PSMB2: variants seen among roughly 807,000 people sequenced by gnomAD.
The protein encoded by PSMB2 is proteasome 20S subunit beta 2, also known as proteasome subunit beta type-2.
In PSMB2, 13 loss-of-function variants were observed where a neutral mutation model predicts 25.7. That is an observed-to-expected ratio of 0.51 (90% CI 0.33 to 0.80). The LOEUF is 0.80. Among genes scored for constraint, PSMB2 ranks in the 30% least tolerant of loss-of-function variants. The pLI, the probability that PSMB2 is intolerant of heterozygous loss-of-function variation, is 0.02. For synonymous variants in PSMB2, 87 were observed against 96.2 expected, an observed-to-expected ratio of 0.90 and a Z score of 0.56; for missense variants, 202 against 259.0, an observed-to-expected ratio of 0.78 and a Z score of 1.51.
Position 35,641,329 on chromosome 1 carries a change from T to G in PSMB2, c.91+13A>C, listed in dbSNP as rs755834832. On this transcript the variant is annotated intron_variant, in intron 1 of 5. Transcript: ENST00000373237. ...ACCCCAGGCCTGGCCGGGCCTCCCC[T>G]GCTTCCTCTCACCGTCCTTCATCTG... is the stretch of plus-strand genomic sequence containing the variant. The G allele has an allele frequency of 6.2e-7, 1 of 1,613,970 alleles. No individual in the cohort carries two copies. The highest frequency in any genetic ancestry group is 8.5e-7 in the Non-Finnish European group (1 of 1,179,996).
At chr1:35,632,106 AT>A (rs572116568) in intron 2 of PSMB2, among the ~76,000 whole-genome samples, 190 of 152,374 alleles carry the variant, frequency 1.2e-3, no homozygotes, top group African/African-American at 4.3e-3. Context: ...TATTAAAAAA[AT>A]ATTTTAAATG....
chr1:35,603,099 G>C lies in PSMB2; in HGVS notation c.*168C>G, dbSNP rs1650052939. 13 of 1,403,036 alleles carry C rather than the reference G, an allele frequency of 9.3e-6. No individual in the cohort carries two copies. The highest frequency in any genetic ancestry group is 1.2e-5 in the Non-Finnish European group (13 of 1,079,710). The allele number at this position is 1,403,036 out of a possible 1,614,324, so 86.9% of individuals were successfully genotyped here. ...ATCATCTTCCCTCCATATCCTTTCT[G>C]AGGTAATATTAGGTAAACTGAGACC... On this transcript the variant is annotated 3_prime_UTR_variant, in exon 6 of 6. Coordinates refer to ENST00000373237, the MANE Select transcript of PSMB2 (RefSeq NM_002794.5).
At position 35,609,121 on chromosome 1, in the gene PSMB2, G is replaced by A. The variant is rs575288155; in HGVS notation, c.448+125C>T. Reference sequence around the variant, plus strand: ...GAGTGCAGCTTCCAGAGGGGAACCTGGTTATGCTTCTTAGGATCCATCCTA... The same window carrying A: ...GAGTGCAGCTTCCAGAGGGGAACCTAGTTATGCTTCTTAGGATCCATCCTA... On this transcript the variant is annotated intron_variant, in intron 4 of 5. Transcript: ENST00000373237. 42 of 939,998 alleles carry A rather than the reference G, an allele frequency of 4.5e-5. No homozygotes were observed. The African/African-American group carries it at 7.1e-4, about 16-fold the overall frequency. The allele number at this position is 939,998 out of a possible 1,614,324, so 58.2% of individuals were successfully genotyped here.
Position 35,609,372 on chromosome 1 carries a change from C to G in PSMB2, c.322G>C (p.Asp108His), listed in dbSNP as rs778630840. 8 of 1,596,730 alleles carry G rather than the reference C, an allele frequency of 5.0e-6. No individual in the cohort carries two copies. In the Admixed American group the frequency reaches 1.4e-4, roughly 27 times the overall value. The change falls in exon 4 of 6, where the codon GAT becomes CAT. Residue 108 changes from aspartate (D) to histidine (H), a missense_variant. Transcript: ENST00000373237. ...TACAGCGCTGGCCCTTCATGCTCATCATAGCCAGCCAGGAGGAGGTTCACA... is the reference window on the plus strand; with the variant it reads ...TACAGCGCTGGCCCTTCATGCTCATGATAGCCAGCCAGGAGGAGGTTCACA... ...YHVNLLLAGYDEHEGPALYYM... is the reference protein window; with the variant it reads ...YHVNLLLAGYHEHEGPALYYM...
intron 4 of PSMB2, among the ~76,000 whole-genome samples, chr1:35,606,239 A>G (rs891916796): frequency 3.3e-5 from 5 of 152,174 alleles, no homozygotes; most frequent in Admixed American, 3.3e-4. Context: ...GAGTACCCCA[A>G]TTGGAAAGCA....
At chr1:35,624,025 G>C (rs1328736029) in intron 3 of PSMB2, among the ~76,000 whole-genome samples, 1 of 152,144 alleles carries the variant, frequency 6.6e-6, no homozygotes, top group Non-Finnish European at 1.5e-5. Flanking sequence ...GTTTCTTCTA[G>C]GACAGGAGCA....
chr1:35,620,063 G>A (rs1650635415), intron 3 of PSMB2, among the ~76,000 whole-genome samples: 2 of 152,084 alleles, frequency 1.3e-5, no homozygotes, highest in Admixed American at 6.5e-5. Flanking sequence ...TTTGCTACAC[G>A]CTTGCACACT....
intron 3 of PSMB2, among the ~76,000 whole-genome samples, chr1:35,610,657 G>A (rs544440489): frequency 2.0e-5 from 3 of 152,080 alleles, no homozygotes; most frequent in South Asian, 2.1e-4. Flanking sequence ...CACCACACCC[G>A]GCTAATTTTC....
At position 35,603,024 on chromosome 1, in the gene PSMB2, G is replaced by A. The variant is rs1471161294; in HGVS notation, c.*243C>T. 2.4e-6 allele frequency: 3 copies of A among 1,254,632 alleles called. No homozygotes were observed. The highest frequency in any genetic ancestry group is 1.5e-5 in the African/African-American group (1 of 65,554). The allele number at this position is 1,254,632 out of a possible 1,614,324, so 77.7% of individuals were successfully genotyped here. On this transcript the variant is annotated 3_prime_UTR_variant, in exon 6 of 6. Transcript: ENST00000373237. ...GGGCCGTCAGCTGCTAAAGGGTACT[G>A]AGCGTTAATGGAGGGCGGAGCAGGA...
rs1276709018 is a variant in PSMB2, at chr1:35,609,321, C to T, written c.373G>A (p.Ala125Thr). Residue 125 changes from alanine to threonine, a missense_variant, in exon 4 of 6, where the codon GCC becomes ACC. Coordinates refer to ENST00000373237, the MANE Select transcript of PSMB2 (RefSeq NM_002794.5). ...CCGTGGGCTGCAAAAGGGGCCTTGG[C>T]CAAGGCTGCCAGGTAGTCCATGTAA... The part of the protein sequence containing the change: ...LYYMDYLAAL[A>T]KAPFAAHGYG... 1 of 1,613,328 alleles carries T rather than the reference C, an allele frequency of 6.2e-7. No homozygotes were observed. Among genetic ancestry groups the T allele is most frequent in the Non-Finnish European group, 8.5e-7 (1 of 1,179,656 alleles).
chr1:35,600,337 G>T lies in PSMB2; in HGVS notation c.*2930C>A, dbSNP rs1224830904. ...GAAAAACTGGTAAAATCTGAATAAAGCCTGGAGCTTAGTAATACTAATACA... is the reference window on the plus strand; with the variant it reads ...GAAAAACTGGTAAAATCTGAATAAATCCTGGAGCTTAGTAATACTAATACA... On this transcript the variant is annotated 3_prime_UTR_variant, in exon 6 of 6. Transcript: ENST00000373237. The T allele has an allele frequency of 6.7e-6, 6 of 897,910 alleles. No individual in the cohort carries two copies. In the African/African-American group the frequency reaches 1.1e-4, roughly 16 times the overall value. The allele number at this position is 897,910 out of a possible 1,614,324, so 55.6% of individuals were successfully genotyped here. A position where few individuals can be genotyped will look rare whatever the true frequency, so the allele number is the denominator to read the frequency against.
At chr1:35,625,761 CAA>C (rs113858421) in intron 3 of PSMB2, among the ~76,000 whole-genome samples, 1 of 125,302 alleles carries the variant, frequency 8.0e-6, no homozygotes. Context: ...GACTCCGTCT[CAA>C]AAAAAAAAAA....
At chr1:35,615,348 A>G (rs1299748133) in intron 3 of PSMB2, among the ~76,000 whole-genome samples, 1 of 152,054 alleles carries the variant, frequency 6.6e-6, no homozygotes, top group African/African-American at 2.4e-5. Context: ...GCCACTTTGG[A>G]CTCTTCTACA....
chr1:35,621,661 G>C (rs77111830), intron 3 of PSMB2, among the ~76,000 whole-genome samples: 3,504 of 151,448 alleles, frequency 0.023, 157 homozygotes, highest in African/African-American at 0.081. Flanking sequence ...CACCCTTTTA[G>C]TCTTCCTTTT....
At chr1:35,612,186 T>C (rs1314420086) in intron 3 of PSMB2, among the ~76,000 whole-genome samples, 1 of 152,128 alleles carries the variant, frequency 6.6e-6, no homozygotes, top group African/African-American at 2.4e-5. Context: ...TCCCAATGAG[T>C]AGCGTGCGGC....
intron 3 of PSMB2, among the ~76,000 whole-genome samples, chr1:35,627,023 G>A (rs1013565990): frequency 6.6e-6 from 1 of 152,026 alleles, no homozygotes; most frequent in Non-Finnish European, 1.5e-5. Flanking sequence ...ATAGCCCCAT[G>A]TGGCTAGTTG....
intron 2 of PSMB2, among the ~76,000 whole-genome samples, chr1:35,635,828 C>CAA (rs1163061850): frequency 0.03 from 1,009 of 33,230 alleles, 41 homozygotes; most frequent in East Asian, 0.075. Flanking sequence ...GACTCCGTCT[C>CAA]AAAAAAAAAA....
chr1:35,600,960 TTTCAG>T lies in PSMB2; in HGVS notation c.*2302_*2306del. On this transcript the variant is annotated 3_prime_UTR_variant, in exon 6 of 6. Transcript: ENST00000373237. ...TATCTACCACATAGAATAGGTGCTA[TTTCAG>T]TCATTGTACAGATGGGAAAATCATG... 5.1e-6 allele frequency: 5 copies of T among 985,200 alleles called. No individual in the cohort carries two copies. Among genetic ancestry groups the T allele is most frequent in the Non-Finnish European group, 6.0e-6 (5 of 829,800 alleles). The allele number at this position is 985,200 out of a possible 1,614,324, so 61.0% of individuals were successfully genotyped here.
intron 3 of PSMB2, among the ~76,000 whole-genome samples, chr1:35,610,792 C>T (rs1650307295): frequency 2.0e-5 from 3 of 152,158 alleles, no homozygotes; most frequent in Admixed American, 2.0e-4. Context: ...CTGCGCCCGG[C>T]CATAAGTCTC....
Sources: gnomAD v4.1 joint callset for allele counts (sites outside exome capture counted in the v4.1 genomes callset) on GRCh38, gnomAD v4.1.1 for gene constraint, MANE v1.5 for transcripts, NCBI Gene and HGNC (gene_info 2026-07-23, HGNC 2026-07-21) for gene names.